The following MED14 variants were observed in gnomAD, a reference collection of about 807,000 sequenced individuals.
MED14 encodes the protein mediator complex subunit 14.
In MED14, 8 loss-of-function variants were observed where a neutral mutation model predicts 109.0. The ratio of observed to expected loss-of-function variants is 0.07; its 90% CI spans 0.04 to 0.13. The LOEUF is 0.13. Among genes scored for constraint, MED14 ranks in the 10% least tolerant of loss-of-function variants. The probability of loss-of-function intolerance (pLI) is 1.00; values close to 1 mark genes in which losing one functional copy is unlikely to be tolerated. For missense variants in MED14, 711 were observed against 1,142.4 expected, an observed-to-expected ratio of 0.62 and a Z score of 5.44; for synonymous variants, 399 against 408.7, an observed-to-expected ratio of 0.98 and a Z score of 0.29.
intron 16 of MED14, among the ~76,000 whole-genome samples, chrX:40,684,628 C>T (rs1930235205): frequency 8.9e-6 from 1 of 112,225 alleles, no homozygotes; most frequent in Non-Finnish European, 1.9e-5. Context: ...ATAGCCCTCT[C>T]CGTAGGAGTT....
intron 28 of MED14, among the ~76,000 whole-genome samples, chrX:40,656,581 C>G (rs759239948): frequency 1.8e-5 from 2 of 112,399 alleles, no homozygotes; most frequent in South Asian, 7.3e-4. Flanking sequence ...TACAGGTATA[C>G]TGGCACATCC....
chrX:40,700,150 A>G lies in MED14; in HGVS notation c.1490+1015T>C, dbSNP rs188067887. Among the ~76,000 whole-genome samples, 74 of 108,936 alleles carry G rather than the reference A, an allele frequency of 6.8e-4. 1 individual carries two copies. The East Asian group carries it at 0.012, about 18-fold the overall frequency. The allele number at this position is 108,936 out of a possible 115,157, so 94.6% of individuals were successfully genotyped here. A position where few individuals can be genotyped will look rare whatever the true frequency, so the allele number is the denominator to read the frequency against. ...GGCAAGAGAGTGAGACTCTGTCTCA[A>G]TAAAAAATAAATAAATAAATAAAAT... is the stretch of plus-strand genomic sequence containing the variant. On this transcript the variant is annotated intron_variant, in intron 12 of 30. Transcript: ENST00000324817.
intron 1 of MED14, among the ~76,000 whole-genome samples, chrX:40,733,808 G>C (rs1932161278): frequency 8.9e-6 from 1 of 111,930 alleles, no homozygotes; most frequent in South Asian, 3.7e-4. Flanking sequence ...TTGCTATGTT[G>C]AAATGCCCAT....
intron 3 of MED14, among the ~76,000 whole-genome samples, chrX:40,720,805 G>C (rs1308396208): frequency 9.1e-6 from 1 of 109,470 alleles, no homozygotes; most frequent in Non-Finnish European, 1.9e-5. Flanking sequence ...TTGGATACCA[G>C]CTCAGCCACA....
intron 13 of MED14, among the ~76,000 whole-genome samples, chrX:40,696,284 G>C (rs749135207): frequency 9.2e-6 from 1 of 108,647 alleles, no homozygotes; most frequent in Non-Finnish European, 1.9e-5. Context: ...ACAGGCGCCC[G>C]CCACCACGCC....
chrX:40,692,709 T>C lies in MED14; in HGVS notation c.1844A>G (p.Lys615Arg), dbSNP rs1185452653. Residue 615 changes from lysine (K) to arginine (R), a missense_variant and splice_region_variant, in exon 14 of 31, where the codon AAG becomes AGG. Lys to Arg is a conservative substitution (Grantham distance 26). Around this residue, in one of 8 missense-constraint regions of MED14, gnomAD observed 388 missense variants for 517.3 expected, o/e 0.75. Coordinates refer to ENST00000324817, the MANE Select transcript of MED14 (RefSeq NM_004229.4). ...GCTCATTTTCATATGGAATCATACC[T>C]TGCGCTTGGCATTGGTTCTGGTCTG... ...GKQTRTNAKR[K>R]LSDDPCPVES... is the part of the protein sequence containing the mutation. 8.3e-7 allele frequency: 1 copy of C among 1,205,624 alleles called. No homozygotes were observed. The highest frequency in any genetic ancestry group is 1.8e-5 in the South Asian group (1 of 55,463).
chrX:40,683,124 G>A (rs1163861120), intron 16 of MED14, 128 bp from the exon 17 acceptor site: 4 of 499,676 alleles, frequency 8.0e-6, no homozygotes, highest in Non-Finnish European at 1.3e-5. Flanking sequence ...TGCAAAAGGA[G>A]GAAGCAATTC....
chrX:40,650,104 G>GA lies in MED14; in HGVS notation c.*1701dup. 6 of 753,655 alleles carry GA rather than the reference G, an allele frequency of 8.0e-6. No homozygotes were observed. Among genetic ancestry groups the GA allele is most frequent in the Non-Finnish European group, 9.4e-6 (6 of 638,514 alleles). 62.1% of individuals were successfully genotyped at this position (753,655 alleles called of 1,213,427 possible). A position where few individuals can be genotyped will look rare whatever the true frequency, so the allele number is the denominator to read the frequency against. The stretch of plus-strand genomic sequence containing the variant: ...ATTCAGCTCCAAATAGAAAAGGGCT[G>GA]ACCCTTGATAAAGACATCTTAGATT... On this transcript the variant is annotated 3_prime_UTR_variant, in exon 31 of 31. Coordinates refer to ENST00000324817, the MANE Select transcript of MED14 (RefSeq NM_004229.4).
intron 26 of MED14, among the ~76,000 whole-genome samples, chrX:40,661,865 T>C (rs1254212547): frequency 3.6e-5 from 4 of 111,175 alleles, no homozygotes; most frequent in Non-Finnish European, 7.5e-5. Context: ...CAATTGTTCA[T>C]TTATTTATTT....
chrX:40,691,919 C>CT (rs200904976), intron 15 of MED14, among the ~76,000 whole-genome samples: 2,374 of 110,329 alleles, frequency 0.022, 68 homozygotes, highest in African/African-American at 0.075. Flanking sequence ...GCCCTGTCCA[C>CT]TTTTTTTAAC....
rs116246523 is a variant in MED14 at position 40,651,377 on chromosome X, T to C, written c.*429A>G. The C allele has an allele frequency of 5.6e-4, 423 of 750,789 alleles. No homozygotes were observed. In the African/African-American group the frequency reaches 9.1e-3, roughly 16 times the overall value. 61.9% of individuals were successfully genotyped at this position (750,789 alleles called of 1,213,427 possible). A position where few individuals can be genotyped will look rare whatever the true frequency, so the allele number is the denominator to read the frequency against. ...AGGATTCAAAGCGGTCATATTAAAA[T>C]ACAGCTTCAATATAAAGTTTATCAC... is the stretch of plus-strand genomic sequence containing the variant. On this transcript the variant is annotated 3_prime_UTR_variant, in exon 31 of 31. Transcript: ENST00000324817.
intron 23 of MED14, among the ~76,000 whole-genome samples, chrX:40,670,846 G>C (rs1929705356): frequency 9.0e-6 from 1 of 111,523 alleles, no homozygotes; most frequent in Non-Finnish European, 1.9e-5. Context: ...AAACTTAAAA[G>C]CAGATGTATT....
Position 40,651,158 on chromosome X carries a change from T to C in MED14, c.*648A>G. On this transcript the variant is annotated 3_prime_UTR_variant, in exon 31 of 31. Coordinates refer to ENST00000324817, the MANE Select transcript of MED14 (RefSeq NM_004229.4). ...CATAAAGAAGATGTTTTTGGTCAAA[T>C]TTCAGACATGTATTATTATAAATTA... The C allele has an allele frequency of 1.3e-6, 1 of 752,096 alleles. No homozygotes were observed. 62.0% of individuals were successfully genotyped at this position (752,096 alleles called of 1,213,427 possible). A position where few individuals can be genotyped will look rare whatever the true frequency, so the allele number is the denominator to read the frequency against.
At position 40,649,457 on chromosome X, in the gene MED14, C is replaced by CCAA. The variant is rs1044724631; in HGVS notation, c.*2346_*2348dup. On this transcript the variant is annotated 3_prime_UTR_variant, in exon 31 of 31. Coordinates refer to ENST00000324817, the MANE Select transcript of MED14 (RefSeq NM_004229.4). ...GAAAAATGAAGGTGGCAAATCAGGACCAATTTCTTATTTCAAGGTTAAATT... is the reference window on the plus strand; with the variant it reads ...GAAAAATGAAGGTGGCAAATCAGGACCAACAATTTCTTATTTCAAGGTTAAATT... 6 of 300,579 alleles carry CCAA rather than the reference C, an allele frequency of 2.0e-5. No individual in the cohort carries two copies. Among genetic ancestry groups the CCAA allele is most frequent in the African/African-American group, 6.0e-5 (2 of 33,481 alleles). 24.8% of individuals were successfully genotyped at this position (300,579 alleles called of 1,213,427 possible).
At chrX:40,687,700 TGC>T (rs1413738273) in intron 16 of MED14, among the ~76,000 whole-genome samples, 1 of 111,442 alleles carries the variant, frequency 9.0e-6, no homozygotes, top group African/African-American at 3.3e-5. Flanking sequence ...CCACTGCCTC[TGC>T]CCCACTTTCC....
intron 30 of MED14, among the ~76,000 whole-genome samples, chrX:40,652,653 T>C (rs1430335248): frequency 1.8e-5 from 2 of 111,400 alleles, no homozygotes; most frequent in Non-Finnish European, 3.8e-5. Context: ...GGTGGGAGAC[T>C]GAAGTATGGT....
chrX:40,735,591 C>T (rs749491233), upstream of MED14: 6 of 523,581 alleles, frequency 1.1e-5, no homozygotes, highest in South Asian at 1.5e-4. Context: ...GCGAGAAGTC[C>T]GCCGACCCCA....
chrX:40,661,151 G>C (rs1569279114), intron 26 of MED14, among the ~76,000 whole-genome samples: 1 of 112,313 alleles, frequency 8.9e-6, no homozygotes, highest in Admixed American at 9.4e-5. Flanking sequence ...GCACGATCTC[G>C]GCTCACTGCA....
intron 3 of MED14, among the ~76,000 whole-genome samples, chrX:40,721,984 C>T (rs910645032): frequency 9.0e-6 from 1 of 111,366 alleles, no homozygotes; most frequent in African/African-American, 3.3e-5. Flanking sequence ...TCTAGAAAGC[C>T]TCCTCAAGAA....
Sources: gnomAD v4.1 joint callset for allele counts (sites outside exome capture counted in the v4.1 genomes callset) on GRCh38, gnomAD v4.1.1 for gene constraint, gnomAD v4.1.1 regional missense constraint, MANE v1.5 for transcripts, NCBI Gene and HGNC (gene_info 2026-07-23, HGNC 2026-07-21) for gene names.